Variants in RAB38 observed in about 807,000 individuals in gnomAD.
The protein encoded by RAB38 is RAB38, member RAS oncogene family, also known as ras-related protein Rab-38.
Under a neutral mutation model 18.4 loss-of-function variants are expected in RAB38, and 15 were observed. That is an observed-to-expected ratio of 0.82 (90% CI 0.55 to 1.26). The LOEUF (loss-of-function observed/expected upper bound fraction) is 1.26, where lower values mean the gene tolerates loss of function less well. Ranked by LOEUF, RAB38 falls within the 50% of genes most tolerant of loss-of-function variation. The probability of loss-of-function intolerance (pLI) is 0.00; values close to 1 mark genes in which losing one functional copy is unlikely to be tolerated. For synonymous variants in RAB38, 101 were observed against 104.4 expected (o/e 0.97, Z 0.20); for missense variants, 294 against 267.4 (o/e 1.10, Z -0.69).
At chr11:87,941,891 T>G in the RAB38 span, among the ~76,000 whole-genome samples, 1 of 152,092 alleles carries the variant, frequency 6.6e-6, no homozygotes, top group African/African-American at 2.4e-5. Flanking sequence ...CTCCCTTACC[T>G]GTCAGCAGAA....
chr11:87,871,900 T>C, the RAB38 span, among the ~76,000 whole-genome samples: 1 of 151,648 alleles, frequency 6.6e-6, no homozygotes, highest in South Asian at 2.1e-4. Context: ...AACCATTCTA[T>C]TACTGATACT....
chr11:88,046,753 G>A, the RAB38 span, among the ~76,000 whole-genome samples: 1 of 152,206 alleles, frequency 6.6e-6, no homozygotes, highest in South Asian at 2.1e-4. Context: ...TTAGATACCT[G>A]GTTTTGCCAT....
At chr11:88,151,163 T>C (rs979719001) in intron 1 of RAB38, among the ~76,000 whole-genome samples, 1 of 152,198 alleles carries the variant, frequency 6.6e-6, no homozygotes, top group Non-Finnish European at 1.5e-5. Context: ...TATTCTTCCT[T>C]ATCTGCAAAT....
chr11:87,969,038 T>C, the RAB38 span, among the ~76,000 whole-genome samples: 1 of 152,194 alleles, frequency 6.6e-6, no homozygotes, highest in African/African-American at 2.4e-5. Context: ...TAGGCTCTGA[T>C]TAATCAATAT....
the RAB38 span, among the ~76,000 whole-genome samples, chr11:87,843,221 G>A: frequency 0.25 from 37,937 of 152,108 alleles, 6,116 homozygotes; most frequent in African/African-American, 0.46. Context: ...TGAGATGAGC[G>A]TCTTTCAGTA....
At chr11:87,953,079 ACTC>A in the RAB38 span, among the ~76,000 whole-genome samples, 1 of 151,566 alleles carries the variant, frequency 6.6e-6, no homozygotes, top group Admixed American at 6.6e-5. Context: ...ATTTACACAG[ACTC>A]CTGATGATCA....
the RAB38 span, among the ~76,000 whole-genome samples, chr11:87,909,244 T>C: frequency 2.0e-5 from 3 of 152,084 alleles, no homozygotes; most frequent in African/African-American, 7.2e-5. Context: ...TATTAGCATT[T>C]ACTAGTCAAT....
rs571898913 is a variant in RAB38, at chr11:88,174,632, A to AC, written c.202+550_202+551insG. Among the ~76,000 whole-genome samples, 84 of 148,078 alleles carry AC rather than the reference A, an allele frequency of 5.7e-4. 1 individual carries two copies. The highest frequency in any genetic ancestry group is 1.1e-3 in the South Asian group (5 of 4,628). On this transcript the variant is annotated intron_variant, in intron 1 of 2. Coordinates refer to ENST00000243662, the MANE Select transcript of RAB38 (RefSeq NM_022337.3). ...TGTAAGCAAAAAGCAAAAAAAAAAA[A>AC]AAAAAAAAACAAAACAAAAACCCTC...
At chr11:88,040,645 G>A in the RAB38 span, among the ~76,000 whole-genome samples, 1 of 152,154 alleles carries the variant, frequency 6.6e-6, no homozygotes, top group Admixed American at 6.6e-5. Flanking sequence ...TGAGGCTTCA[G>A]TGAGCCGTGA....
chr11:88,135,163 GCTTA>G (rs950931050), intron 2 of RAB38, among the ~76,000 whole-genome samples: 1 of 152,072 alleles, frequency 6.6e-6, no homozygotes, highest in African/African-American at 2.4e-5. Context: ...GTCTAAAACT[GCTTA>G]CTTCTCTTTT....
At chr11:87,976,082 A>G in the RAB38 span, among the ~76,000 whole-genome samples, 1 of 150,438 alleles carries the variant, frequency 6.6e-6, no homozygotes, top group Non-Finnish European at 1.5e-5. Context: ...TTCCCCCTCA[A>G]AAAAGTCTGG....
the RAB38 span, among the ~76,000 whole-genome samples, chr11:87,829,933 T>A: frequency 4.6e-5 from 7 of 152,318 alleles, no homozygotes; most frequent in African/African-American, 1.7e-4. Context: ...TTTCTTATGA[T>A]GTTTGATCTA....
At chr11:87,975,858 G>A in the RAB38 span, among the ~76,000 whole-genome samples, 6 of 151,414 alleles carry the variant, frequency 4.0e-5, no homozygotes, top group Non-Finnish European at 8.9e-5. Flanking sequence ...GAAAAAAAGA[G>A]AAACAACACA....
the RAB38 span, among the ~76,000 whole-genome samples, chr11:88,031,405 A>G: frequency 6.6e-6 from 1 of 150,794 alleles, no homozygotes; most frequent in Non-Finnish European, 1.5e-5. Context: ...AAGGAAATAA[A>G]GGGTATTCAA....
At chr11:88,106,196 A>G in the RAB38 span, among the ~76,000 whole-genome samples, 3 of 152,244 alleles carry the variant, frequency 2.0e-5, no homozygotes, top group South Asian at 6.2e-4. Context: ...GAGAAAAAAA[A>G]GAAACTAACA....
intron 2 of RAB38, among the ~76,000 whole-genome samples, chr11:88,127,988 T>G (rs895232746): frequency 3.3e-5 from 5 of 152,240 alleles, no homozygotes; most frequent in Non-Finnish European, 5.9e-5. Context: ...GTGCTTACAA[T>G]GTAATTTATG....
chr11:87,809,685 G>A, the RAB38 span, among the ~76,000 whole-genome samples: 17 of 50,942 alleles, frequency 3.3e-4, no homozygotes, highest in African/African-American at 1.4e-3. Flanking sequence ...ACAGTTGAAA[G>A]CTCTGAAAAA....
chr11:88,104,528 T>C, the RAB38 span, among the ~76,000 whole-genome samples: 1 of 152,138 alleles, frequency 6.6e-6, no homozygotes, highest in East Asian at 1.9e-4. Context: ...TATGTGAACC[T>C]TGAAATAGTT....
the RAB38 span, among the ~76,000 whole-genome samples, chr11:88,020,477 G>T: frequency 2.6e-5 from 4 of 152,248 alleles, no homozygotes; most frequent in South Asian, 8.3e-4. Context: ...GAGCTAAAGA[G>T]AAATAGACTC....
Sources: allele counts gnomAD v4.1 joint callset (sites outside exome capture counted in the v4.1 genomes callset), GRCh38; gene constraint gnomAD v4.1.1; transcripts MANE v1.5; gene names NCBI Gene and HGNC (gene_info 2026-07-23, HGNC 2026-07-21).